LYPLAL1: variants seen among roughly 807,000 people sequenced by gnomAD.
LYPLAL1 encodes lysophospholipase-like protein 1.
In LYPLAL1, 23 loss-of-function variants were observed where a neutral mutation model predicts 19.7. That is an observed-to-expected ratio of 1.17 (90% CI 0.84 to 1.65). The LOEUF is 1.65. Ranked by LOEUF, LYPLAL1 falls within the 40% of genes most tolerant of loss-of-function variation. The pLI, the probability that LYPLAL1 is intolerant of heterozygous loss-of-function variation, is 0.00. For missense variants in LYPLAL1, 355 were observed against 279.4 expected (o/e 1.27, Z -1.93); for synonymous variants, 119 against 96.3 (o/e 1.24, Z -1.38).
chr1:219,374,724 T>G, the LYPLAL1 span, among the ~76,000 whole-genome samples: 1 of 151,960 alleles, frequency 6.6e-6, no homozygotes, highest in Non-Finnish European at 1.5e-5. Context: ...AAGGATTACT[T>G]AAGATGTTTT....
intron 3 of LYPLAL1, among the ~76,000 whole-genome samples, chr1:219,193,994 T>C (rs999749150): frequency 6.6e-6 from 1 of 151,910 alleles, no homozygotes. Flanking sequence ...AAAATGCACA[T>C]TGAAATTCTT....
chr1:219,343,562 CT>C, the LYPLAL1 span, among the ~76,000 whole-genome samples: 1 of 152,202 alleles, frequency 6.6e-6, no homozygotes, highest in African/African-American at 2.4e-5. Context: ...CTTTTTACCA[CT>C]TTCAAAATGT....
the LYPLAL1 span, among the ~76,000 whole-genome samples, chr1:219,229,318 A>AGAGAGAGAGAGAGAGAGAGAGAGAGG: frequency 6.7e-6 from 1 of 149,846 alleles, no homozygotes; most frequent in Admixed American, 6.6e-5. Context: ...AGAGAGAGAG[A>AGAGAGAGAGAGAGAGAGAGAGAGAGG]GAGAGAGAGA....
At chr1:219,224,588 G>A in the LYPLAL1 span, among the ~76,000 whole-genome samples, 1 of 151,942 alleles carries the variant, frequency 6.6e-6, no homozygotes, top group East Asian at 1.9e-4. Flanking sequence ...CCTTATGGAT[G>A]TTATTGTCAC....
At chr1:219,317,637 AAAAT>A in the LYPLAL1 span, among the ~76,000 whole-genome samples, 9 of 152,306 alleles carry the variant, frequency 5.9e-5, no homozygotes, top group East Asian at 1.3e-3. Flanking sequence ...TTCAGGATCA[AAAAT>A]AAATAAATAA....
chr1:219,292,045 G>A, the LYPLAL1 span, among the ~76,000 whole-genome samples: 1 of 152,174 alleles, frequency 6.6e-6, no homozygotes, highest in African/African-American at 2.4e-5. Flanking sequence ...ACCTGGGTGT[G>A]CAGTGGGGGC....
the LYPLAL1 span, among the ~76,000 whole-genome samples, chr1:219,344,526 TC>T: frequency 1.3e-5 from 2 of 152,196 alleles, no homozygotes; most frequent in Non-Finnish European, 2.9e-5. Flanking sequence ...TTTAAATAAG[TC>T]CACAGCATAA....
At chr1:219,369,333 A>G in the LYPLAL1 span, among the ~76,000 whole-genome samples, 1 of 152,228 alleles carries the variant, frequency 6.6e-6, no homozygotes, top group African/African-American at 2.4e-5. Flanking sequence ...GTGCAGTGGC[A>G]TGATCTTGGC....
At chr1:219,377,776 A>G in the LYPLAL1 span, among the ~76,000 whole-genome samples, 1 of 152,190 alleles carries the variant, frequency 6.6e-6, no homozygotes, top group Non-Finnish European at 1.5e-5. Flanking sequence ...CCCGACTCTT[A>G]CATCTTGTTC....
the LYPLAL1 span, among the ~76,000 whole-genome samples, chr1:219,366,820 T>A: frequency 1.8e-4 from 28 of 152,206 alleles, no homozygotes; most frequent in African/African-American, 6.5e-4. Context: ...TCTAGTCCAC[T>A]GCTCCACCAC....
chr1:219,192,547 A>C (rs953548307), intron 2 of LYPLAL1, among the ~76,000 whole-genome samples: 5 of 151,592 alleles, frequency 3.3e-5, no homozygotes, highest in Admixed American at 1.3e-4. Flanking sequence ...TCCGTTTTTC[A>C]TATTTGGAAA....
chr1:219,299,332 G>A, the LYPLAL1 span, among the ~76,000 whole-genome samples: 2 of 151,980 alleles, frequency 1.3e-5, no homozygotes, highest in Non-Finnish European at 1.5e-5. Context: ...TTATTACATA[G>A]TAGTAATATG....
the LYPLAL1 span, among the ~76,000 whole-genome samples, chr1:219,388,313 A>ATC: frequency 4.8e-4 from 73 of 151,590 alleles, no homozygotes; most frequent in South Asian, 0.015. Flanking sequence ...CAATGGCAGG[A>ATC]TCTCTCTCTC....
the LYPLAL1 span, among the ~76,000 whole-genome samples, chr1:219,419,594 C>CACACACACAGAGAGAGAG: frequency 7.9e-4 from 79 of 99,586 alleles, no homozygotes; most frequent in African/African-American, 2.4e-3. Context: ...CACACACACA[C>CACACACACAGAGAGAGAG]AGAGAGAGAG....
chr1:219,370,346 G>A, the LYPLAL1 span, among the ~76,000 whole-genome samples: 2 of 152,018 alleles, frequency 1.3e-5, no homozygotes. Flanking sequence ...TTTTCTCGTG[G>A]CCCATGATTG....
chr1:219,367,402 C>T, the LYPLAL1 span, among the ~76,000 whole-genome samples: 1 of 152,054 alleles, frequency 6.6e-6, no homozygotes, highest in Non-Finnish European at 1.5e-5. Flanking sequence ...GATGGTAGTT[C>T]TGTTTAGAAA....
At chr1:219,359,312 A>G in the LYPLAL1 span, among the ~76,000 whole-genome samples, 6 of 152,242 alleles carry the variant, frequency 3.9e-5, no homozygotes, top group African/African-American at 1.4e-4. Context: ...CTTAAAGAAC[A>G]TACAAAGCAA....
chr1:219,180,616 T>C (rs1320154968), intron 2 of LYPLAL1, among the ~76,000 whole-genome samples: 2 of 152,190 alleles, frequency 1.3e-5, no homozygotes, highest in African/African-American at 4.8e-5. Context: ...TGTTACTGAT[T>C]TTTAGGATAG....
At chr1:219,438,364 G>A in the LYPLAL1 span, among the ~76,000 whole-genome samples, 24 of 152,240 alleles carry the variant, frequency 1.6e-4, no homozygotes, top group African/African-American at 5.3e-4. Context: ...CTTAAGGTAG[G>A]GTTTTGGGGA....
Sources: allele counts gnomAD v4.1 joint callset (sites outside exome capture counted in the v4.1 genomes callset), GRCh38; gene constraint gnomAD v4.1.1; transcripts MANE v1.5; gene names NCBI Gene and HGNC (gene_info 2026-07-23, HGNC 2026-07-21).